BTRC: variants seen among roughly 807,000 people sequenced by gnomAD.
BTRC encodes beta-transducin repeat containing E3 ubiquitin protein ligase, also known as F-box/WD repeat-containing protein 1A.
In BTRC, 42 loss-of-function variants were observed where a neutral mutation model predicts 85.5. The observed-to-expected ratio is 0.49, with a 90% CI of 0.38 to 0.64. BTRC has a LOEUF of 0.64. Among genes scored for constraint, BTRC ranks in the 30% least tolerant of loss-of-function variants. BTRC has a pLI of 0.00. For synonymous variants in BTRC, 255 were observed against 263.3 expected, an observed-to-expected ratio of 0.97 and a Z score of 0.30; for missense variants, 594 against 743.5, an observed-to-expected ratio of 0.80 and a Z score of 2.34.
At chr10:101,450,466 T>C (rs1944931085) in intron 2 of BTRC, among the ~76,000 whole-genome samples, 1 of 152,216 alleles carries the variant, frequency 6.6e-6, no homozygotes, top group African/African-American at 2.4e-5. Context: ...TCTTCTATCC[T>C]TCTTATCAGA....
chr10:101,555,541 C>T lies in BTRC; in HGVS notation c.*2418C>T, dbSNP rs1306425685. ...TGAAAAACTTGAATCGTTCACATTT[C>T]TCAGCTCTGGGGGTCATTTACCAGT... On this transcript the variant is annotated 3_prime_UTR_variant, in exon 15 of 15. Transcript: ENST00000370187. 6.6e-6 allele frequency: 1 copy of T among 152,528 alleles called. No homozygotes were observed. The highest frequency in any genetic ancestry group is 1.5e-5 in the Non-Finnish European group (1 of 68,036). 9.4% of individuals were successfully genotyped at this position (152,528 alleles called of 1,614,324 possible).
At chr10:101,439,879 C>T (rs1016455099) in intron 2 of BTRC, among the ~76,000 whole-genome samples, 1 of 152,204 alleles carries the variant, frequency 6.6e-6, no homozygotes, top group African/African-American at 2.4e-5. Context: ...TAAAGAGATG[C>T]AGTGACATAG....
chr10:101,412,491 T>C (rs190026729), intron 1 of BTRC, among the ~76,000 whole-genome samples: 30 of 152,360 alleles, frequency 2.0e-4, no homozygotes, highest in African/African-American at 7.0e-4. Context: ...TTCTTGATGG[T>C]AGGAAGATAA....
At chr10:101,434,213 A>G (rs1051009100) in intron 2 of BTRC, among the ~76,000 whole-genome samples, 2 of 152,202 alleles carry the variant, frequency 1.3e-5, no homozygotes, top group African/African-American at 2.4e-5. Flanking sequence ...ATAGGTATAT[A>G]GTTTGAAAGG....
At chr10:101,368,423 A>G (rs1275986769) in intron 1 of BTRC, among the ~76,000 whole-genome samples, 2 of 148,736 alleles carry the variant, frequency 1.3e-5, no homozygotes, top group Non-Finnish European at 3.0e-5. Flanking sequence ...AGCAACGTAA[A>G]TGGACTAAGA....
At chr10:101,407,783 C>T (rs1265609631) in intron 1 of BTRC, among the ~76,000 whole-genome samples, 1 of 149,374 alleles carries the variant, frequency 6.7e-6, no homozygotes, top group Non-Finnish European at 1.5e-5. Context: ...AGTGCAGTGG[C>T]GCAATCTCGG....
At chr10:101,436,388 T>C (rs1224254755) in intron 2 of BTRC, among the ~76,000 whole-genome samples, 1 of 152,204 alleles carries the variant, frequency 6.6e-6, no homozygotes, top group Non-Finnish European at 1.5e-5. Flanking sequence ...TGCACGCTTA[T>C]AATCTCAGCA....
intron 4 of BTRC, among the ~76,000 whole-genome samples, chr10:101,481,123 T>C (rs1195022056): frequency 1.3e-5 from 2 of 152,082 alleles, no homozygotes; most frequent in African/African-American, 4.8e-5. Context: ...TTGTTTTGTT[T>C]TGTAGAGATG....
At chr10:101,482,631 G>A (rs1025202559) in intron 4 of BTRC, among the ~76,000 whole-genome samples, 3 of 151,938 alleles carry the variant, frequency 2.0e-5, no homozygotes, top group Non-Finnish European at 4.4e-5. Flanking sequence ...TCCTGACGTC[G>A]TGATCCGCTT....
intron 4 of BTRC, among the ~76,000 whole-genome samples, chr10:101,501,123 G>C (rs181172398): frequency 6.6e-6 from 1 of 151,856 alleles, no homozygotes; most frequent in South Asian, 2.1e-4. Flanking sequence ...AACCTGCGGG[G>C]CAGAGGTTGC....
intron 2 of BTRC, among the ~76,000 whole-genome samples, chr10:101,459,757 A>G (rs1381252596): frequency 6.6e-6 from 1 of 152,168 alleles, no homozygotes; most frequent in Admixed American, 6.5e-5. Context: ...CATTTTCATA[A>G]TACCCACCCA....
intron 3 of BTRC, among the ~76,000 whole-genome samples, chr10:101,473,773 T>A (rs147199567): frequency 4.0e-5 from 6 of 151,872 alleles, no homozygotes; most frequent in African/African-American, 1.5e-4. Context: ...ATTTTTTCTA[T>A]TTTTTGTAGA....
rs577480994 is a variant in BTRC at position 101,439,685 on chromosome 10, G to A, written c.156+9233G>A. ...AAAGGGACAGTGTTAAAGAGAAGTG[G>A]TGCTGATGGAGCCAAACAAACTTAA... is the stretch of plus-strand genomic sequence containing the variant. On this transcript the variant is annotated intron_variant, in intron 2 of 14. Coordinates refer to ENST00000370187, the MANE Select transcript of BTRC (RefSeq NM_033637.4). 2.2e-3 allele frequency among the ~76,000 whole-genome samples: 328 copies of A among 152,200 alleles called. 2 individuals carry two copies. The highest frequency in any genetic ancestry group is 3.5e-3 in the Non-Finnish European group (240 of 68,040).
intron 1 of BTRC, among the ~76,000 whole-genome samples, chr10:101,399,703 T>A (rs1172250847): frequency 6.6e-6 from 1 of 152,240 alleles, no homozygotes; most frequent in Non-Finnish European, 1.5e-5. Flanking sequence ...ACATTAAAAT[T>A]TGATGCACTG....
intron 3 of BTRC, among the ~76,000 whole-genome samples, chr10:101,478,215 C>T (rs1209820149): frequency 6.6e-6 from 1 of 151,452 alleles, no homozygotes; most frequent in African/African-American, 2.4e-5. Flanking sequence ...GTGGGAGAAT[C>T]ACTTGAACCT....
intron 2 of BTRC, among the ~76,000 whole-genome samples, chr10:101,442,034 G>A (rs1334857875): frequency 7.2e-5 from 11 of 152,132 alleles, no homozygotes; most frequent in Admixed American, 7.2e-4. Flanking sequence ...AACTTAGCCT[G>A]GGTTTGTTTC....
At chr10:101,425,678 T>C (rs1004885624) in intron 1 of BTRC, among the ~76,000 whole-genome samples, 4 of 151,314 alleles carry the variant, frequency 2.6e-5, no homozygotes, top group Admixed American at 2.6e-4. Context: ...GGCGTGGTGG[T>C]GCACGCCTGT....
chr10:101,444,666 C>A (rs1029799626), intron 2 of BTRC, among the ~76,000 whole-genome samples: 3 of 152,128 alleles, frequency 2.0e-5, no homozygotes, highest in African/African-American at 7.2e-5. Context: ...GAATAAACCT[C>A]TTAAAAAGAA....
chr10:101,447,260 A>G (rs965722534), intron 2 of BTRC, among the ~76,000 whole-genome samples: 4 of 152,150 alleles, frequency 2.6e-5, no homozygotes, highest in East Asian at 3.8e-4. Flanking sequence ...CAAGTGACCC[A>G]CAAGTCAGTG....
Sources: gnomAD v4.1 joint callset for allele counts (sites outside exome capture counted in the v4.1 genomes callset) on GRCh38, gnomAD v4.1.1 for gene constraint, MANE v1.5 for transcripts, NCBI Gene and HGNC (gene_info 2026-07-23, HGNC 2026-07-21) for gene names.